The following CNTN4 variants were observed in gnomAD, a reference collection of about 807,000 sequenced individuals.
The protein encoded by CNTN4 is contactin-4.
In CNTN4, 77 loss-of-function variants were observed where a neutral mutation model predicts 122.5. The observed-to-expected ratio is 0.63, with a 90% CI of 0.52 to 0.76. The LOEUF (loss-of-function observed/expected upper bound fraction) is 0.76, where lower values mean the gene tolerates loss of function less well. Among genes scored for constraint, CNTN4 ranks in the 30% least tolerant of loss-of-function variants. CNTN4 has a pLI of 0.00. For synonymous variants in CNTN4, 512 were observed against 447.0 expected (o/e 1.15, Z -1.83); for missense variants, 1,256 against 1,259.1 (o/e 1.00, Z 0.04).
chr3:2,145,344 T>C (rs762177203), intron 2 of CNTN4, among the ~76,000 whole-genome samples: 3 of 152,186 alleles, frequency 2.0e-5, no homozygotes, highest in African/African-American at 7.2e-5. Flanking sequence ...TAAGCTACAG[T>C]TGGTCATGTT....
intron 4 of CNTN4, among the ~76,000 whole-genome samples, chr3:2,657,972 C>A (rs1025226799): frequency 6.7e-6 from 1 of 150,116 alleles, no homozygotes; most frequent in Admixed American, 6.7e-5. Flanking sequence ...TAACTGAAGC[C>A]ATGAGGATGA....
At chr3:2,230,136 A>G (rs773802237) in intron 2 of CNTN4, among the ~76,000 whole-genome samples, 2 of 152,202 alleles carry the variant, frequency 1.3e-5, no homozygotes, top group Non-Finnish European at 2.9e-5. Context: ...TTAAGATTGA[A>G]CAAATCAGCT....
chr3:2,722,149 G>T (rs2087900062), intron 4 of CNTN4, among the ~76,000 whole-genome samples: 2 of 152,196 alleles, frequency 1.3e-5, no homozygotes, highest in South Asian at 4.1e-4. Flanking sequence ...ATTTAAAATT[G>T]CAGTGTTCTT....
intron 12 of CNTN4, among the ~76,000 whole-genome samples, chr3:2,922,774 G>A (rs1439000394): frequency 1.3e-5 from 2 of 151,992 alleles, no homozygotes; most frequent in Non-Finnish European, 2.9e-5. Context: ...ACCACGCCCA[G>A]CTAATTTTGT....
At chr3:2,769,102 A>G (rs2090978483) in intron 6 of CNTN4, among the ~76,000 whole-genome samples, 1 of 152,176 alleles carries the variant, frequency 6.6e-6, no homozygotes, top group Admixed American at 6.5e-5. Context: ...GCACACCTTC[A>G]AATGCTGGTT....
At chr3:2,504,600 G>A (rs1342400043) in intron 3 of CNTN4, among the ~76,000 whole-genome samples, 2 of 152,160 alleles carry the variant, frequency 1.3e-5, no homozygotes, top group East Asian at 1.9e-4. Context: ...AAACTACTGA[G>A]TGAAATGCTA....
rs1701850230 is a variant in CNTN4, at chr3:3,057,098, A to C, written c.*878A>C. The C allele has an allele frequency of 6.5e-6, 1 of 152,688 alleles. No homozygotes were observed. The highest frequency in any genetic ancestry group is 2.4e-5 in the African/African-American group (1 of 41,476). 9.5% of individuals were successfully genotyped at this position (152,688 alleles called of 1,614,324 possible). A position where few individuals can be genotyped will look rare whatever the true frequency, so the allele number is the denominator to read the frequency against. ...AGTCAACCAAGTCTTTCAAAGGATA[A>C]AAGATCATTTTATTATCTTTAACTG... On this transcript the variant is annotated 3_prime_UTR_variant, in exon 25 of 25. Coordinates refer to ENST00000418658, the MANE Select transcript of CNTN4 (RefSeq NM_175607.3).
intron 4 of CNTN4, among the ~76,000 whole-genome samples, chr3:2,661,316 A>G (rs549578966): frequency 1.3e-5 from 2 of 152,238 alleles, no homozygotes; most frequent in Admixed American, 6.5e-5. Context: ...AAAGTCATCA[A>G]CCTCTGAATA....
chr3:2,378,289 G>C (rs1375881201), intron 3 of CNTN4, among the ~76,000 whole-genome samples: 1 of 152,140 alleles, frequency 6.6e-6, no homozygotes, highest in Non-Finnish European at 1.5e-5. Context: ...TTTCAGTATG[G>C]GCCTTCCCAA....
chr3:2,942,057 C>T (rs2094621356), intron 13 of CNTN4, among the ~76,000 whole-genome samples: 2 of 152,134 alleles, frequency 1.3e-5, no homozygotes, highest in Admixed American at 1.3e-4. Context: ...CTAAACTGGC[C>T]TGTAAGCTGT....
At chr3:2,178,687 C>G (rs548197683) in intron 2 of CNTN4, among the ~76,000 whole-genome samples, 1 of 152,050 alleles carries the variant, frequency 6.6e-6, no homozygotes, top group South Asian at 2.1e-4. Flanking sequence ...AGGCCCATCA[C>G]TCATTGTGTG....
chr3:2,677,129 TTAGATAGATAGA>T lies in CNTN4; in HGVS notation c.56-59052_56-59041del, dbSNP rs71621501. Among the ~76,000 whole-genome samples the T allele has an allele frequency of 2.5e-3, 365 of 143,202 alleles. 3 individuals carry two copies. The highest frequency in any genetic ancestry group is 0.011 in the East Asian group (51 of 4,780). 93.9% of individuals were successfully genotyped at this position (143,202 alleles called of 152,430 possible). A position where few individuals can be genotyped will look rare whatever the true frequency, so the allele number is the denominator to read the frequency against. On this transcript the variant is annotated intron_variant, in intron 4 of 24. Transcript: ENST00000418658. ...ATAGATAGATAGATAGATCACTCTT[TTAGATAGATAGA>T]TAGATAGATAGATAGATAGATAGAT...
chr3:2,188,682 CAGAA>C (rs1455035061), intron 2 of CNTN4, among the ~76,000 whole-genome samples: 8 of 152,112 alleles, frequency 5.3e-5, no homozygotes, highest in Non-Finnish European at 1.2e-4. Flanking sequence ...GTGAACCAGA[CAGAA>C]AGGCAGTAAT....
Position 2,896,801 on chromosome 3 carries a change from T to C in CNTN4, c.941-3884T>C, listed in dbSNP as rs185415423. 4.6e-5 allele frequency among the ~76,000 whole-genome samples: 7 copies of C among 152,274 alleles called. No homozygotes were observed. In the East Asian group the frequency reaches 5.8e-4, roughly 13 times the overall value. ...CCAGACTCATAAAGTCTACTATCAT[T>C]AAAATTCTTCAGCAATGTCAGTGAA... On this transcript the variant is annotated intron_variant, in intron 10 of 24. Transcript: ENST00000418658.
At chr3:2,435,969 G>A (rs953413514) in intron 3 of CNTN4, among the ~76,000 whole-genome samples, 17 of 152,188 alleles carry the variant, frequency 1.1e-4, no homozygotes, top group Non-Finnish European at 2.5e-4. Context: ...AAGAGACAAT[G>A]CAGGTCAAAA....
intron 2 of CNTN4, among the ~76,000 whole-genome samples, chr3:2,248,779 C>T (rs1159311258): frequency 1.3e-5 from 2 of 151,996 alleles, no homozygotes; most frequent in Non-Finnish European, 1.5e-5. Context: ...ACAGAACAAA[C>T]ATGCATTCTC....
Position 2,552,103 on chromosome 3 carries a change from C to T in CNTN4, c.-88-19313C>T, listed in dbSNP as rs13315226. The stretch of plus-strand genomic sequence containing the variant: ...AGGCATAGAGCATACTTAAGGTAAA[C>T]TAAATCTTAAGATAAGTGAGGCCAG... On this transcript the variant is annotated intron_variant, in intron 3 of 24. Coordinates refer to ENST00000418658, the MANE Select transcript of CNTN4 (RefSeq NM_175607.3). Among the ~76,000 whole-genome samples the T allele has an allele frequency of 8.5e-3, 1,292 of 152,224 alleles. 11 individuals are homozygous for T. The highest frequency in any genetic ancestry group is 0.028 in the African/African-American group (1,175 of 41,562).
At chr3:2,573,928 T>A (rs2079540027) in intron 4 of CNTN4, among the ~76,000 whole-genome samples, 1 of 152,178 alleles carries the variant, frequency 6.6e-6, no homozygotes, top group South Asian at 2.1e-4. Context: ...TTTTTTAAAC[T>A]GCTTTAGGCC....
At position 2,886,911 on chromosome 3, in the gene CNTN4, T is replaced by C. The variant is rs534512939; in HGVS notation, c.756-129T>C. 28 of 689,128 alleles carry C rather than the reference T, an allele frequency of 4.1e-5. No homozygotes were observed. The African/African-American group carries it at 5.0e-4, about 12-fold the overall frequency. 42.7% of individuals were successfully genotyped at this position (689,128 alleles called of 1,614,324 possible). A position where few individuals can be genotyped will look rare whatever the true frequency, so the allele number is the denominator to read the frequency against. On this transcript the variant is annotated intron_variant, in intron 9 of 24. Transcript: ENST00000418658. ...GATATGATTAAAGTTATAATGGAGA[T>C]AGAGGAATGAATGAAGTTTGCAAAA...
Sources: allele counts gnomAD v4.1 joint callset (sites outside exome capture counted in the v4.1 genomes callset), GRCh38; gene constraint gnomAD v4.1.1; transcripts MANE v1.5; gene names NCBI Gene and HGNC (gene_info 2026-07-23, HGNC 2026-07-21).